Variants in MICAL2 observed in about 807,000 individuals in gnomAD.
The protein encoded by MICAL2 is [F-actin]-monooxygenase MICAL2.
Under a neutral mutation model 127.3 loss-of-function variants are expected in MICAL2, and 77 were observed. The observed-to-expected ratio is 0.60, with a 90% confidence interval of 0.50 to 0.73. The LOEUF (loss-of-function observed/expected upper bound fraction) is 0.73, where lower values mean the gene tolerates loss of function less well. Ranked by LOEUF, MICAL2 falls within the 30% of genes least tolerant of loss-of-function variation. The probability of loss-of-function intolerance (pLI) is 0.00; values close to 1 mark genes in which losing one functional copy is unlikely to be tolerated. For missense variants in MICAL2, 1,351 were observed against 1,434.4 expected, an observed-to-expected ratio of 0.94 and a Z score of 0.94; for synonymous variants, 570 against 551.1, an observed-to-expected ratio of 1.03 and a Z score of -0.48.
Position 12,188,894 on chromosome 11 carries a change from G to A in MICAL2, c.265-15356G>A, listed in dbSNP as rs1230842390. On this transcript the variant is annotated intron_variant, in intron 3 of 27. Transcript: ENST00000683283. ...TTGTTAAAATTTGTGTCACTATGCG[G>A]ACTCTCTGGATCAACTATTAGGATT... Among the ~76,000 whole-genome samples the A allele has an allele frequency of 2.0e-5, 3 of 152,192 alleles. No individual in the cohort carries two copies. The East Asian group carries it at 5.8e-4, about 29-fold the overall frequency.
At chr11:12,307,654 TTTG>T (rs370369021) in intron 29 of MICAL2, among the ~76,000 whole-genome samples, 44 of 152,192 alleles carry the variant, frequency 2.9e-4, no homozygotes, top group African/African-American at 9.2e-4. Flanking sequence ...AGTCATGGGT[TTTG>T]TTGTTGTTGT....
At chr11:12,267,887 C>T (rs1367832167), downstream of MICAL2, among the ~76,000 whole-genome samples, 1 of 152,210 alleles carries the variant, frequency 6.6e-6, no homozygotes, top group East Asian at 1.9e-4. Flanking sequence ...GCCACTGTGC[C>T]TGGCCTGGAT....
At position 12,251,514 on chromosome 11, in the gene MICAL2, A is replaced by G. The variant is rs1271020671; in HGVS notation, c.2847+2268A>G. On this transcript the variant is annotated intron_variant, in intron 22 of 27. Transcript: ENST00000683283. ...TGGTGATTCTGGAATGCATTTCATC[A>G]GGTTGGGAAGGGCAGGTAGGAGACC... 2.0e-5 allele frequency among the ~76,000 whole-genome samples: 3 copies of G among 147,018 alleles called. No homozygotes were observed. The Admixed American group carries it at 2.1e-4, about 10-fold the overall frequency.
At chr11:12,293,798 G>T, downstream of MICAL2, 1 of 1,606,728 alleles carries the variant, frequency 6.2e-7, no homozygotes, top group Non-Finnish European at 8.5e-7. Context: ...CCCTCTTGGG[G>T]ACATCGGAAG....
chr11:12,214,800 A>G (rs150500405), intron 7 of MICAL2, among the ~76,000 whole-genome samples: 1 of 152,008 alleles, frequency 6.6e-6, no homozygotes, highest in East Asian at 1.9e-4. Context: ...CCCACAGGCC[A>G]GAAATATTTC....
chr11:12,236,556 A>C (rs930479515), intron 16 of MICAL2, among the ~76,000 whole-genome samples: 18 of 152,268 alleles, frequency 1.2e-4, no homozygotes, highest in African/African-American at 4.3e-4. Context: ...TATCTGACAC[A>C]TGTTAATCAA....
intron 1 of MICAL2, chr11:12,121,602 G>C (rs531283245): frequency 6.6e-6 from 1 of 152,326 alleles, no homozygotes; most frequent in South Asian, 2.1e-4. Flanking sequence ...AGTTTGCAGA[G>C]GCTGGCAAAC....
At position 12,342,034 on chromosome 11, in the gene MICAL2, C is replaced by T. The variant is rs551033264; in HGVS notation, c.5516-7804C>T. ...TTTGTGTTGGGTTTTGATCATTTCA[C>T]CTCAGCAAGTGGGATACTTACATTT... On this transcript the variant is annotated intron_variant, in intron 32 of 34. Coordinates refer to the MICAL2 transcript ENST00000646065. Among the ~76,000 whole-genome samples the T allele has an allele frequency of 5.3e-5, 8 of 152,226 alleles. No homozygotes were observed. The East Asian group carries it at 7.7e-4, about 15-fold the overall frequency.
At chr11:12,194,416 A>G (rs1009219450) in intron 3 of MICAL2, among the ~76,000 whole-genome samples, 4 of 152,218 alleles carry the variant, frequency 2.6e-5, no homozygotes, top group Non-Finnish European at 5.9e-5. Flanking sequence ...GGACCCCTAC[A>G]TGACTGAACT....
intron 1 of MICAL2, among the ~76,000 whole-genome samples, chr11:12,119,122 C>T (rs1204912113): frequency 1.3e-5 from 2 of 152,164 alleles, no homozygotes; most frequent in Non-Finnish European, 2.9e-5. Context: ...GACCCCTGAA[C>T]CCTCTTCTCC....
downstream of MICAL2, chr11:12,293,483 A>T: frequency 6.7e-7 from 1 of 1,481,952 alleles, no homozygotes; most frequent in East Asian, 2.3e-5. Flanking sequence ...AGGGGGTTGT[A>T]GATTGAGATT....
intron 34 of MICAL2, among the ~76,000 whole-genome samples, chr11:12,356,994 T>G (rs1270438112): frequency 1.3e-5 from 2 of 152,234 alleles, no homozygotes; most frequent in Admixed American, 6.5e-5. Context: ...CCTTTGGGGC[T>G]TCTAAGGCCC....
chr11:12,141,132 C>T (rs1238121722), intron 2 of MICAL2, among the ~76,000 whole-genome samples: 1 of 152,162 alleles, frequency 6.6e-6, no homozygotes, highest in African/African-American at 2.4e-5. Flanking sequence ...CATCTTTCTT[C>T]GAGTCTGCAA....
downstream of MICAL2, among the ~76,000 whole-genome samples, chr11:12,267,760 C>T (rs1343096269): frequency 6.6e-6 from 1 of 152,162 alleles, no homozygotes; most frequent in African/African-American, 2.4e-5. Flanking sequence ...CGCCACCACA[C>T]CCAGCTAACT....
rs1410163346 is a variant in MICAL2, at chr11:12,242,319, C to G, written c.2443C>G (p.Leu815Val). ...TTGGAGAGCCAGAGCCAAGTCTGAC[C>G]TACAGCTGGGTGGGACAGAAAATTT... is the stretch of plus-strand genomic sequence containing the variant. ...RPWRARAKSD[L>V]QLGGTENFAT... Residue 815 changes from leucine to valine, a missense_variant, in exon 19 of 28, where the codon CTA becomes GTA. This residue lies in a region of MICAL2 where 752 missense variants were observed against 719.4 expected (regional missense o/e 1.05). Transcript: ENST00000683283. 2 of 1,614,158 alleles carry G rather than the reference C, an allele frequency of 1.2e-6. No homozygotes were observed. Among genetic ancestry groups the G allele is most frequent in the East Asian group, 2.2e-5 (1 of 44,888 alleles).
chr11:12,264,557 G>T (rs1390525481), downstream of MICAL2, among the ~76,000 whole-genome samples: 1 of 144,524 alleles, frequency 6.9e-6, no homozygotes, highest in Non-Finnish European at 1.5e-5. Flanking sequence ...GCTGGGCGTA[G>T]CTGGGCGTAG....
rs541178535 is a variant in MICAL2, at chr11:12,152,053, C to T, written c.-77-10026C>T. Among the ~76,000 whole-genome samples the T allele has an allele frequency of 5.3e-5, 8 of 150,518 alleles. No homozygotes were observed. The East Asian group carries it at 9.8e-4, about 18-fold the overall frequency. ...CTGTAATTCCAGCACTTTGGGAGGC[C>T]GAGGAGGGTGGATCACTTGAGGCCA... On this transcript the variant is annotated intron_variant, in intron 2 of 27. Transcript: ENST00000683283.
intron 24 of MICAL2, 75 bp downstream of exon 24, chr11:12,257,046 C>G: frequency 6.8e-7 from 1 of 1,462,244 alleles, no homozygotes; most frequent in East Asian, 2.3e-5. Context: ...GTTCCTGTCC[C>G]TCTGGTGGCT....
chr11:12,352,335 T>C (rs1939064368), intron 33 of MICAL2, among the ~76,000 whole-genome samples: 1 of 152,356 alleles, frequency 6.6e-6, no homozygotes, highest in East Asian at 1.9e-4. Flanking sequence ...ATAGACTCTA[T>C]TTTCTAGGAT....
Sources: gnomAD v4.1 joint callset for allele counts (sites outside exome capture counted in the v4.1 genomes callset) on GRCh38, gnomAD v4.1.1 for gene constraint, gnomAD v4.1.1 regional missense constraint, MANE v1.5 for transcripts, NCBI Gene and HGNC (gene_info 2026-07-23, HGNC 2026-07-21) for gene names.